Variants in KLHL6 observed in about 807,000 individuals in gnomAD.
KLHL6 encodes the protein kelch-like protein 6.
In KLHL6, 41 loss-of-function variants were observed where a neutral mutation model predicts 58.6. That is an observed-to-expected ratio of 0.70 (90% confidence interval 0.55 to 0.91). The LOEUF (loss-of-function observed/expected upper bound fraction) is 0.91. KLHL6 is among the 40% of genes least tolerant of loss of function. The pLI is 0.00. For missense variants in KLHL6, 714 were observed against 805.6 expected, an observed-to-expected ratio of 0.89 and a Z score of 1.38; for synonymous variants, 338 against 322.7, an observed-to-expected ratio of 1.05 and a Z score of -0.51.
At chr3:183,544,796 A>G (rs903817123) in intron 1 of KLHL6, 16 of 153,778 alleles carry the variant, frequency 1.0e-4, no homozygotes, top group East Asian at 9.7e-4. Context: ...ACACACACAC[A>G]CACGCACAGC....
intron 2 of KLHL6, among the ~76,000 whole-genome samples, chr3:183,519,371 C>T (rs1711666118): frequency 6.6e-6 from 1 of 152,152 alleles, no homozygotes; most frequent in Admixed American, 6.5e-5. Flanking sequence ...GATGGGAACA[C>T]AGGTGCTCCA....
At chr3:183,494,637 C>T (rs1717666599) in intron 4 of KLHL6, among the ~76,000 whole-genome samples, 1 of 152,178 alleles carries the variant, frequency 6.6e-6, no homozygotes, top group South Asian at 2.1e-4. Flanking sequence ...TGTTTGCCCT[C>T]ACAGGGAGCA....
rs554660715 is a variant in KLHL6 at position 183,554,269 on chromosome 3, G to A, written c.293+1092C>T. On this transcript the variant is annotated intron_variant, in intron 1 of 6. Transcript: ENST00000341319. ...CGTGCTCATGGGAAACACTCAATAA[G>A]TCATCCTTAGCTGAATCAAGCAGAA... 1.4e-4 allele frequency among the ~76,000 whole-genome samples: 22 copies of A among 152,222 alleles called. No individual in the cohort carries two copies. In the South Asian group the frequency reaches 4.1e-3, roughly 29 times the overall value.
At chr3:183,519,762 G>T (rs1440211809) in intron 2 of KLHL6, among the ~76,000 whole-genome samples, 1 of 151,472 alleles carries the variant, frequency 6.6e-6, no homozygotes, top group Non-Finnish European at 1.5e-5. Flanking sequence ...CGGGCATAGT[G>T]GTGCATGGCT....
intron 4 of KLHL6, among the ~76,000 whole-genome samples, chr3:183,498,140 A>G (rs1717766690): frequency 6.6e-6 from 1 of 152,164 alleles, no homozygotes; most frequent in Non-Finnish European, 1.5e-5. Context: ...AGGCTGAGGC[A>G]GGAGAATCAT....
At chr3:183,519,495 C>T (rs1355404689) in intron 2 of KLHL6, among the ~76,000 whole-genome samples, 3 of 151,978 alleles carry the variant, frequency 2.0e-5, no homozygotes, top group Admixed American at 1.3e-4. Flanking sequence ...ATAAGCAACC[C>T]GAATCCTGAA....
rs1482170147 is a variant in KLHL6, at chr3:183,489,986, T to C, written c.*1941A>G. On this transcript the variant is annotated 3_prime_UTR_variant, in exon 7 of 7. Coordinates refer to ENST00000341319, the MANE Select transcript of KLHL6 (RefSeq NM_130446.4). ...CTCTATAAAGAGAATTGAAATCATATGATGAAAATAAAGTCCATTGGGTAA... is the reference window on the plus strand; with the variant it reads ...CTCTATAAAGAGAATTGAAATCATACGATGAAAATAAAGTCCATTGGGTAA... 6.6e-6 allele frequency: 1 copy of C among 152,216 alleles called. No individual in the cohort carries two copies. Among genetic ancestry groups the C allele is most frequent in the Non-Finnish European group, 1.5e-5 (1 of 68,036 alleles). 9.4% of individuals were successfully genotyped at this position (152,216 alleles called of 1,614,324 possible). A position where few individuals can be genotyped will look rare whatever the true frequency, so the allele number is the denominator to read the frequency against.
At position 183,555,529 on chromosome 3, in the gene KLHL6, A is replaced by C. The variant is rs1183529890; in HGVS notation, c.125T>G (p.Leu42Ter). ...GTCAAATTTGACCTTTTCCCCATTTAAGATCTCGACCAAGTCTCCTGTTTT... is the reference window on the plus strand; with the variant it reads ...GTCAAATTTGACCTTTTCCCCATTTCAGATCTCGACCAAGTCTCCTGTTTT... The part of the protein sequence containing the change: ...SQKTGDLVEI[L>*]NGEKVKFDDA... The change falls in exon 1 of 7, where the codon TTA becomes TGA. Residue 42 changes from leucine to a stop codon, truncating the protein, a stop_gained. Transcript: ENST00000341319. LOFTEE classifies it high-confidence loss of function. 1.2e-6 allele frequency: 2 copies of C among 1,614,118 alleles called. No homozygotes were observed. The highest frequency in any genetic ancestry group is 1.1e-5 in the South Asian group (1 of 91,074).
In KLHL6 at chr3:183,493,950, C is replaced by T. The variant is rs985450887; in HGVS notation, c.1350+129G>A. ...CTAGGAGGAGGGAAGCTCAGAGCCA[C>T]CAAAACTGTTCTCCTTGGAAGTAAA... On this transcript the variant is annotated intron_variant, in intron 5 of 6. Transcript: ENST00000341319. The T allele has an allele frequency of 1.3e-5, 11 of 823,342 alleles. No homozygotes were observed. In the East Asian group the frequency reaches 1.7e-4, roughly 13 times the overall value. The allele number at this position is 823,342 out of a possible 1,614,324, so 51.0% of individuals were successfully genotyped here. A position where few individuals can be genotyped will look rare whatever the true frequency, so the allele number is the denominator to read the frequency against.
At chr3:183,543,474 C>T (rs993236849) in intron 1 of KLHL6, among the ~76,000 whole-genome samples, 1 of 152,176 alleles carries the variant, frequency 6.6e-6, no homozygotes, top group Admixed American at 6.5e-5. Flanking sequence ...TCTGCCAACC[C>T]AGCCTGCTAT....
In KLHL6 at chr3:183,490,328, T is replaced by C. The variant is rs1047632034; in HGVS notation, c.*1599A>G. On this transcript the variant is annotated 3_prime_UTR_variant, in exon 7 of 7. Coordinates refer to ENST00000341319, the MANE Select transcript of KLHL6 (RefSeq NM_130446.4). Reference sequence around the variant, plus strand: ...TCAAGGAGAATCTGTCGCTCCTGTGTAGGCCAGCTGTGCTCAGGTGTTTAC... The same window carrying C: ...TCAAGGAGAATCTGTCGCTCCTGTGCAGGCCAGCTGTGCTCAGGTGTTTAC... 6.6e-6 allele frequency: 1 copy of C among 152,212 alleles called. No individual in the cohort carries two copies. Among genetic ancestry groups the C allele is most frequent in the African/African-American group, 2.4e-5 (1 of 41,448 alleles). 9.4% of individuals were successfully genotyped at this position (152,212 alleles called of 1,614,324 possible). A position where few individuals can be genotyped will look rare whatever the true frequency, so the allele number is the denominator to read the frequency against.
At chr3:183,513,545 C>T (rs1718247725) in intron 2 of KLHL6, among the ~76,000 whole-genome samples, 1 of 152,154 alleles carries the variant, frequency 6.6e-6, no homozygotes, top group Admixed American at 6.5e-5. Flanking sequence ...GGTTCCTATT[C>T]CTGCTTGGTG....
rs1717610130 is a variant in KLHL6 at position 183,492,812 on chromosome 3, T to C, written c.1351-105A>G. The C allele has an allele frequency of 9.8e-7, 1 of 1,025,424 alleles. No individual in the cohort carries two copies. The allele number at this position is 1,025,424 out of a possible 1,614,324, so 63.5% of individuals were successfully genotyped here. On this transcript the variant is annotated intron_variant, in intron 5 of 6. Coordinates refer to ENST00000341319, the MANE Select transcript of KLHL6 (RefSeq NM_130446.4). This position sits in a 1 kb window ranked among gnomAD's most constrained non-coding sequence, Gnocchi z 5.9. ...GAGCTCCGGGACACAGAACTGGGCA[T>C]CTTTTGCCTATAGTCACAAGGCCCA... is the stretch of plus-strand genomic sequence containing the variant.
rs1366620205 is a variant in KLHL6 at position 183,491,311 on chromosome 3, C to G, written c.*616G>C. ...TTTTAGTAGAGACGGGGCGGTCTCA[C>G]CATGTTGGCCAGGCTGGTCTTGAAC... On this transcript the variant is annotated 3_prime_UTR_variant, in exon 7 of 7. Transcript: ENST00000341319. 2.0e-5 allele frequency: 3 copies of G among 152,228 alleles called. No individual in the cohort carries two copies. The highest frequency in any genetic ancestry group is 4.4e-5 in the Non-Finnish European group (3 of 68,094). 9.4% of individuals were successfully genotyped at this position (152,228 alleles called of 1,614,324 possible).
chr3:183,500,662 G>C (rs1269859927), intron 3 of KLHL6, among the ~76,000 whole-genome samples: 3 of 152,202 alleles, frequency 2.0e-5, no homozygotes, highest in Non-Finnish European at 2.9e-5. Context: ...GCCTGTAGGA[G>C]CAGTGGTAGA....
At chr3:183,527,365 T>C (rs1577194037) in intron 2 of KLHL6, among the ~76,000 whole-genome samples, 1 of 152,218 alleles carries the variant, frequency 6.6e-6, no homozygotes, top group East Asian at 1.9e-4. Context: ...TTACAAAAGA[T>C]TATAGTCTTT....
chr3:183,535,870 G>T (rs1450127472), intron 1 of KLHL6, among the ~76,000 whole-genome samples: 2 of 152,148 alleles, frequency 1.3e-5, no homozygotes, highest in Non-Finnish European at 2.9e-5. Context: ...CTGCCTCCCG[G>T]GTTCATGCCA....
At chr3:183,515,797 A>G (rs763044540) in intron 2 of KLHL6, among the ~76,000 whole-genome samples, 1 of 152,206 alleles carries the variant, frequency 6.6e-6, no homozygotes, top group Non-Finnish European at 1.5e-5. Flanking sequence ...TTCTAGCAGC[A>G]TCTAGCAGAA....
In KLHL6 at chr3:183,508,290, G is replaced by A. The variant is rs143215867; in HGVS notation, c.678C>T (p.Asp226=). The A allele has an allele frequency of 3.7e-6, 6 of 1,614,078 alleles. No homozygotes were observed. The South Asian group carries it at 4.4e-5, about 12-fold the overall frequency. ...CCTGAGCCTCCTCGGTCACGTAAAGGTCATCACTCTTCAAGATGTGGTGCA... is the reference window on the plus strand; with the variant it reads ...CCTGAGCCTCCTCGGTCACGTAAAGATCATCACTCTTCAAGATGTGGTGCA... ...DTLHHILKSD[D]LYVTEEAQVF... Residue 226 remains aspartate, a synonymous_variant, in exon 3 of 7, where the codon GAC becomes GAT. Coordinates refer to ENST00000341319, the MANE Select transcript of KLHL6 (RefSeq NM_130446.4).
Sources: allele counts gnomAD v4.1 joint callset (sites outside exome capture counted in the v4.1 genomes callset), GRCh38; gene constraint gnomAD v4.1.1; non-coding constraint Gnocchi (gnomAD v3.1); transcripts MANE v1.5; gene names NCBI Gene and HGNC (gene_info 2026-07-23, HGNC 2026-07-21).